The following SLC35F4 variants were observed in gnomAD, a reference collection of about 807,000 sequenced individuals.
The protein encoded by SLC35F4 is chromosome 14 open reading frame 36.
A neutral mutation model predicts 44.2 loss-of-function variants in SLC35F4; 24 were observed. That is an observed-to-expected ratio of 0.54 (90% CI 0.39 to 0.76). The LOEUF (loss-of-function observed/expected upper bound fraction) is 0.76. Among genes scored for constraint, SLC35F4 ranks in the 30% least tolerant of loss-of-function variants. The probability of loss-of-function intolerance (pLI) is 0.00; values close to 1 mark genes in which losing one functional copy is unlikely to be tolerated. For missense variants in SLC35F4, 562 were observed against 586.1 expected (o/e 0.96, Z 0.42); for synonymous variants, 238 against 223.6 (o/e 1.06, Z -0.57).
intron 1 of SLC35F4, among the ~76,000 whole-genome samples, chr14:57,683,367 C>A (rs1957692): frequency 0.63 from 95,963 of 152,066 alleles, 30,634 homozygotes; most frequent in African/African-American, 0.72. Context: ...GCAATGAAAG[C>A]AAGAGAAGAC....
chr14:57,733,922 G>A lies in SLC35F4; in HGVS notation c.103+131801C>T, dbSNP rs559864282. On this transcript the variant is annotated intron_variant, in intron 1 of 7. Transcript: ENST00000556826. Reference sequence around the variant, plus strand: ...TGTATTTTATTTATAAATCTAGCTAGTATTTGTAAAATATGAAAATGTTTT... The same window carrying A: ...TGTATTTTATTTATAAATCTAGCTAATATTTGTAAAATATGAAAATGTTTT... 2.6e-4 allele frequency among the ~76,000 whole-genome samples: 40 copies of A among 152,184 alleles called. 1 individual carries two copies. In the South Asian group the frequency reaches 7.9e-3, roughly 30 times the overall value.
chr14:57,893,495 G>A (rs1378490903), intron 1 of SLC35F4, among the ~76,000 whole-genome samples: 1 of 152,144 alleles, frequency 6.6e-6, no homozygotes, highest in African/African-American at 2.4e-5. Flanking sequence ...AGTTCTGTCA[G>A]TCTCCAAAGC....
chr14:57,572,110 C>A, intron 4 of SLC35F4, 91 bp from the exon 5 acceptor site: 17 of 1,454,744 alleles, frequency 1.2e-5, no homozygotes, highest in Non-Finnish European at 1.6e-5. Flanking sequence ...CTGCTAAGTA[C>A]TTCCTTAAAC....
At chr14:57,568,030 A>G (rs1477753509) in intron 6 of SLC35F4, among the ~76,000 whole-genome samples, 2 of 152,218 alleles carry the variant, frequency 1.3e-5, no homozygotes, top group African/African-American at 4.8e-5. Context: ...AGGGACGGCA[A>G]TAAACACTTA....
chr14:57,772,964 T>C (rs1475622812), intron 1 of SLC35F4, among the ~76,000 whole-genome samples: 1 of 152,206 alleles, frequency 6.6e-6, no homozygotes, highest in African/African-American at 2.4e-5. Context: ...CAAATTTACA[T>C]TCCACCAACA....
chr14:57,959,896 C>T (rs1315564388), intron 1 of SLC35F4, among the ~76,000 whole-genome samples: 1 of 152,116 alleles, frequency 6.6e-6, no homozygotes, highest in East Asian at 1.9e-4. Context: ...CAATCCTGGT[C>T]AGGCAGCATT....
intron 1 of SLC35F4, among the ~76,000 whole-genome samples, chr14:57,794,454 C>A (rs2078005608): frequency 6.6e-6 from 1 of 152,108 alleles, no homozygotes; most frequent in South Asian, 2.1e-4. Context: ...TGTTCAACAT[C>A]ACTAATCATC....
At chr14:57,653,568 A>AAG (rs2073861090) in intron 1 of SLC35F4, among the ~76,000 whole-genome samples, 1 of 152,192 alleles carries the variant, frequency 6.6e-6, no homozygotes, top group Non-Finnish European at 1.5e-5. Context: ...GGTCTTTGAC[A>AAG]TACTTTCTAT....
At chr14:57,623,804 T>C (rs2072328261) in intron 1 of SLC35F4, among the ~76,000 whole-genome samples, 1 of 152,180 alleles carries the variant, frequency 6.6e-6, no homozygotes, top group South Asian at 2.1e-4. Context: ...TAAAGCTGTG[T>C]GTAGTGGGAA....
intron 1 of SLC35F4, among the ~76,000 whole-genome samples, chr14:57,962,973 A>G (rs1263894600): frequency 6.6e-6 from 1 of 152,162 alleles, no homozygotes; most frequent in African/African-American, 2.4e-5. Flanking sequence ...ATAGGGGGGA[A>G]AAAAGAAAAA....
intron 5 of SLC35F4, among the ~76,000 whole-genome samples, chr14:57,570,490 G>A (rs896313761): frequency 1.3e-5 from 2 of 152,116 alleles, no homozygotes; most frequent in Non-Finnish European, 2.9e-5. Context: ...CACAAATATG[G>A]TGCTTGTTCC....
chr14:57,598,536 G>A (rs2070626716), intron 1 of SLC35F4, among the ~76,000 whole-genome samples: 1 of 152,188 alleles, frequency 6.6e-6, no homozygotes, highest in Non-Finnish European at 1.5e-5. Context: ...GAAAAGCCAA[G>A]CTGATAAAAG....
At chr14:57,678,780 G>A (rs1227925736) in intron 1 of SLC35F4, among the ~76,000 whole-genome samples, 2 of 151,804 alleles carry the variant, frequency 1.3e-5, no homozygotes, top group Non-Finnish European at 2.9e-5. Flanking sequence ...AATCAAAGAA[G>A]GGCATTACGT....
At chr14:57,807,997 T>C (rs1311033372) in intron 1 of SLC35F4, among the ~76,000 whole-genome samples, 2 of 151,604 alleles carry the variant, frequency 1.3e-5, no homozygotes, top group East Asian at 1.9e-4. Context: ...ATCGGATCTT[T>C]TGAGACTTAT....
chr14:57,577,408 T>C (rs561596990), intron 4 of SLC35F4, among the ~76,000 whole-genome samples: 1 of 152,188 alleles, frequency 6.6e-6, no homozygotes, highest in Non-Finnish European at 1.5e-5. Context: ...GGGACACTAA[T>C]GCATTTCACA....
chr14:57,617,619 G>T (rs2071921678), intron 1 of SLC35F4, among the ~76,000 whole-genome samples: 1 of 152,136 alleles, frequency 6.6e-6, no homozygotes. Flanking sequence ...ACCTCACAGG[G>T]TTTAAAGACT....
intron 1 of SLC35F4, among the ~76,000 whole-genome samples, chr14:57,939,389 A>G (rs976734783): frequency 6.6e-6 from 1 of 152,154 alleles, no homozygotes. Context: ...TGCCAGAGCA[A>G]AAGAGAAGAG....
intron 3 of SLC35F4, among the ~76,000 whole-genome samples, chr14:57,588,267 G>A (rs1326389380): frequency 1.3e-5 from 2 of 152,138 alleles, no homozygotes; most frequent in African/African-American, 2.4e-5. Flanking sequence ...TTGGTACAGG[G>A]GCAACCCCTG....
Position 57,637,086 on chromosome 14 carries a change from C to A in SLC35F4, c.104-42962G>T, listed in dbSNP as rs150620992. Among the ~76,000 whole-genome samples the A allele has an allele frequency of 2.6e-5, 4 of 152,164 alleles. No individual in the cohort carries two copies. The East Asian group carries it at 7.7e-4, about 29-fold the overall frequency. ...AGTTTATACAAAGAAGCTTTGCATA[C>A]GTTATGTCATTGGACCTCAGAGCAA... On this transcript the variant is annotated intron_variant, in intron 1 of 7. Transcript: ENST00000556826.
Sources: gnomAD v4.1 joint callset for allele counts (sites outside exome capture counted in the v4.1 genomes callset) on GRCh38, gnomAD v4.1.1 for gene constraint, MANE v1.5 for transcripts, NCBI Gene and HGNC (gene_info 2026-07-23, HGNC 2026-07-21) for gene names.